The following SNX29 variants were observed in gnomAD, a reference collection of about 807,000 sequenced individuals.
The protein encoded by SNX29 is sorting nexin 29, also known as sorting nexin-29.
Under a neutral mutation model 102.1 loss-of-function variants are expected in SNX29, and 78 were observed. That is an observed-to-expected ratio of 0.76 (90% CI 0.64 to 0.92). The LOEUF (loss-of-function observed/expected upper bound fraction) is 0.92. Ranked by LOEUF, SNX29 falls within the 40% of genes least tolerant of loss-of-function variation. The pLI is 0.00. For missense variants in SNX29, 1,280 were observed against 1,061.7 expected, an observed-to-expected ratio of 1.21 and a Z score of -2.86; for synonymous variants, 580 against 414.5, an observed-to-expected ratio of 1.40 and a Z score of -4.85.
chr16:11,986,552 C>T (rs140477445), intron 1 of SNX29, among the ~76,000 whole-genome samples: 5 of 152,122 alleles, frequency 3.3e-5, no homozygotes, highest in African/African-American at 9.7e-5. Flanking sequence ...ATTGTATCTC[C>T]GTTTGAGCGT....
At chr16:12,533,552 C>T (rs1412626908) in intron 20 of SNX29, among the ~76,000 whole-genome samples, 1 of 152,196 alleles carries the variant, frequency 6.6e-6, no homozygotes, top group African/African-American at 2.4e-5. Flanking sequence ...TCATTTCTTA[C>T]TTTCTTAGCC....
intron 1 of SNX29, among the ~76,000 whole-genome samples, chr16:11,998,704 C>A (rs1366160327): frequency 6.6e-6 from 1 of 152,164 alleles, no homozygotes; most frequent in East Asian, 1.9e-4. Flanking sequence ...ATGACTTTCC[C>A]AGAACTTTGG....
intron 1 of SNX29, among the ~76,000 whole-genome samples, chr16:11,980,383 A>G (rs1329733208): frequency 6.6e-6 from 1 of 152,100 alleles, no homozygotes; most frequent in Non-Finnish European, 1.5e-5. Flanking sequence ...CTTTATGTGG[A>G]TATCATATTT....
chr16:12,126,488 A>T, intron 11 of SNX29, 145 bp from the exon 12 acceptor site: 1 of 770,556 alleles, frequency 1.3e-6, no homozygotes, highest in Non-Finnish European at 2.1e-6. Context: ...CGAGTCTCTT[A>T]GACTGTTATA....
chr16:12,530,551 TTTG>T (rs1442288775), intron 20 of SNX29, among the ~76,000 whole-genome samples: 2 of 151,396 alleles, frequency 1.3e-5, no homozygotes, highest in African/African-American at 4.9e-5. Flanking sequence ...GTTTTTTTTT[TTTG>T]TTTTTTGTTT....
At chr16:12,513,196 CCCTTG>C in intron 19 of SNX29, among the ~76,000 whole-genome samples, 1 of 151,340 alleles carries the variant, frequency 6.6e-6, no homozygotes, top group Admixed American at 6.6e-5. Context: ...TCCTCCCTCT[CCCTTG>C]CCCTGCCCTA....
At chr16:12,203,377 A>G (rs76402650) in intron 14 of SNX29, among the ~76,000 whole-genome samples, 2,606 of 17,134 alleles carry the variant, frequency 0.15, no homozygotes, top group Middle Eastern at 0.26. Flanking sequence ...GGAGGTGACA[A>G]CTCTGAAGTT....
chr16:12,478,763 G>C (rs1305839371), intron 19 of SNX29, among the ~76,000 whole-genome samples: 1 of 152,178 alleles, frequency 6.6e-6, no homozygotes, highest in Admixed American at 6.5e-5. Flanking sequence ...GAAAACCACT[G>C]AGGACTGCCT....
intron 3 of SNX29, among the ~76,000 whole-genome samples, chr16:12,005,556 A>T (rs1049464527): frequency 2.0e-5 from 3 of 151,988 alleles, no homozygotes; most frequent in African/African-American, 7.2e-5. Context: ...GTCTGTGTGT[A>T]TGGGTGTGTG....
chr16:12,043,630 T>C (rs1325103983), intron 5 of SNX29, among the ~76,000 whole-genome samples: 1 of 152,166 alleles, frequency 6.6e-6, no homozygotes, highest in Admixed American at 6.5e-5. Flanking sequence ...GTGCTGGGAT[T>C]ACAGGTATGA....
intron 18 of SNX29, among the ~76,000 whole-genome samples, chr16:12,475,698 TA>T: frequency 1.3e-5 from 2 of 152,364 alleles, no homozygotes; most frequent in South Asian, 4.1e-4. Flanking sequence ...ACAGCTCATG[TA>T]AAGTATCATA....
At chr16:12,540,048 G>C (rs768946458) in intron 20 of SNX29, among the ~76,000 whole-genome samples, 1 of 152,070 alleles carries the variant, frequency 6.6e-6, no homozygotes, top group Admixed American at 6.5e-5. Context: ...TTTACTTTTT[G>C]TGTCCCAGAT....
intron 14 of SNX29, among the ~76,000 whole-genome samples, chr16:12,254,136 AGT>A (rs2078500492): frequency 6.6e-6 from 1 of 152,106 alleles, no homozygotes; most frequent in Non-Finnish European, 1.5e-5. Context: ...AGGCATGTTG[AGT>A]GTGAGCTATC....
chr16:12,052,498 T>C (rs1372431146), intron 8 of SNX29: 1 of 382,948 alleles, frequency 2.6e-6, no homozygotes. Context: ...TTTACAGGCA[T>C]GAGCCACCAC....
At chr16:12,568,448 C>A in intron 20 of SNX29, 58 bp from the exon 21 acceptor site, 1 of 1,597,298 alleles carries the variant, frequency 6.3e-7, no homozygotes, top group South Asian at 1.1e-5. Context: ...CCTTCCTGGC[C>A]TGTGGTCATT....
chr16:12,248,317 C>G (rs1473453955), intron 14 of SNX29, among the ~76,000 whole-genome samples: 1 of 152,050 alleles, frequency 6.6e-6, no homozygotes, highest in African/African-American at 2.4e-5. Context: ...GTCCCTTGCT[C>G]TTGCTTCCCC....
At chr16:12,019,619 G>GATAGAT (rs1267595225) in intron 3 of SNX29, among the ~76,000 whole-genome samples, 1 of 150,048 alleles carries the variant, frequency 6.7e-6, no homozygotes, top group Non-Finnish European at 1.5e-5. Context: ...TAGATAGATA[G>GATAGAT]ATAGATATAG....
At chr16:12,335,838 A>G (rs370015307) in intron 15 of SNX29, among the ~76,000 whole-genome samples, 1 of 152,178 alleles carries the variant, frequency 6.6e-6, no homozygotes, top group African/African-American at 2.4e-5. Context: ...CTTCCCGTTT[A>G]CTAATGAGGA....
chr16:12,250,538 C>T (rs1334001047), intron 14 of SNX29, among the ~76,000 whole-genome samples: 1 of 152,228 alleles, frequency 6.6e-6, no homozygotes, highest in Admixed American at 6.5e-5. Flanking sequence ...ACCCACTTAC[C>T]TCTCACTTGC....
Sources: allele counts gnomAD v4.1 joint callset (sites outside exome capture counted in the v4.1 genomes callset), GRCh38; gene constraint gnomAD v4.1.1; transcripts MANE v1.5; gene names NCBI Gene and HGNC (gene_info 2026-07-23, HGNC 2026-07-21).